The following GLYATL3 variants were observed in gnomAD, a reference collection of about 807,000 sequenced individuals.
The protein encoded by GLYATL3 is glycine-N-acyltransferase like 3.
GLYATL3 carries 31 observed loss-of-function variants against 28.5 expected under a neutral mutation model. The ratio of observed to expected loss-of-function variants is 1.09; its 90% CI spans 0.82 to 1.47. GLYATL3 has a LOEUF of 1.47. Ranked by LOEUF, GLYATL3 falls within the 40% of genes most tolerant of loss-of-function variation. The pLI, the probability that GLYATL3 is intolerant of heterozygous loss-of-function variation, is 0.00. For missense variants in GLYATL3, 369 were observed against 351.5 expected (o/e 1.05, Z -0.40); for synonymous variants, 141 against 140.2 (o/e 1.01, Z -0.04).
chr6:49,505,047 T>C (rs1018073620), intron 1 of GLYATL3, among the ~76,000 whole-genome samples: 1 of 152,164 alleles, frequency 6.6e-6, no homozygotes, highest in Non-Finnish European at 1.5e-5. Flanking sequence ...GTACAATTTG[T>C]TTAGCTTTTT....
At chr6:49,513,671 G>A (rs1384058720) in intron 2 of GLYATL3, among the ~76,000 whole-genome samples, 13 of 152,108 alleles carry the variant, frequency 8.5e-5, no homozygotes, top group Admixed American at 8.5e-4. Flanking sequence ...CACTAAGGGT[G>A]ATCCATGTTA....
chr6:49,507,545 C>T (rs992034772), intron 1 of GLYATL3, among the ~76,000 whole-genome samples: 6 of 152,114 alleles, frequency 3.9e-5, no homozygotes, highest in African/African-American at 9.7e-5. Flanking sequence ...TAATACTCAT[C>T]GACAAACCTG....
At chr6:49,511,247 A>C (rs909775361) in intron 1 of GLYATL3, among the ~76,000 whole-genome samples, 1 of 152,188 alleles carries the variant, frequency 6.6e-6, no homozygotes, top group Non-Finnish European at 1.5e-5. Context: ...GAAGCCCCCA[A>C]ATCTAAAAAA....
At chr6:49,507,682 T>C (rs977767574) in intron 1 of GLYATL3, among the ~76,000 whole-genome samples, 3 of 152,048 alleles carry the variant, frequency 2.0e-5, no homozygotes, top group African/African-American at 7.3e-5. Flanking sequence ...GGGCGCCAGA[T>C]ATTGAGGGAT....
intron 1 of GLYATL3, among the ~76,000 whole-genome samples, chr6:49,507,787 A>T (rs1463761905): frequency 6.6e-6 from 1 of 152,110 alleles, no homozygotes; most frequent in Non-Finnish European, 1.5e-5. Context: ...AGATAGTGAA[A>T]GCTGAGTCCA....
intron 4 of GLYATL3, among the ~76,000 whole-genome samples, chr6:49,518,950 A>G (rs1769266872): frequency 6.6e-6 from 1 of 152,022 alleles, no homozygotes; most frequent in Admixed American, 6.6e-5. Flanking sequence ...CAAAAAAAAA[A>G]GAAAAAAATT....
At chr6:49,506,074 T>C (rs961843712) in intron 1 of GLYATL3, among the ~76,000 whole-genome samples, 14 of 152,170 alleles carry the variant, frequency 9.2e-5, no homozygotes, top group South Asian at 2.1e-4. Flanking sequence ...TCTGAGATAA[T>C]TGATGTCACC....
chr6:49,525,067 T>G (rs1467620096), intron 5 of GLYATL3, among the ~76,000 whole-genome samples: 2 of 147,588 alleles, frequency 1.4e-5, no homozygotes, highest in Non-Finnish European at 3.0e-5. Context: ...CATGGATGCA[T>G]AACCACAGAA....
chr6:49,516,526 T>C (rs2127236707), intron 3 of GLYATL3, among the ~76,000 whole-genome samples: 1 of 152,228 alleles, frequency 6.6e-6, no homozygotes, highest in South Asian at 2.1e-4. Context: ...CCTGACCACA[T>C]TAGGAAGATT....
At chr6:49,513,361 TAA>T (rs1247581153) in intron 2 of GLYATL3, among the ~76,000 whole-genome samples, 1 of 152,174 alleles carries the variant, frequency 6.6e-6, no homozygotes, top group East Asian at 1.9e-4. Context: ...ACCCTTTGAA[TAA>T]ATAGCTATTG....
intron 5 of GLYATL3, among the ~76,000 whole-genome samples, chr6:49,526,240 C>T (rs1455141367): frequency 2.0e-5 from 3 of 152,030 alleles, no homozygotes; most frequent in Non-Finnish European, 4.4e-5. Context: ...ATCGTGAAAT[C>T]CCGTCTCTAC....
Position 49,501,298 on chromosome 6 carries a change from A to G in GLYATL3, c.-29+1256A>G, listed in dbSNP as rs180903095. Among the ~76,000 whole-genome samples, 10 of 152,270 alleles carry G rather than the reference A, an allele frequency of 6.6e-5. No individual in the cohort carries two copies. In the East Asian group the frequency reaches 1.9e-3, roughly 30 times the overall value. ...GTGTGTATCGCGGGAGCTGGCCAGC[A>G]GCCCGCAATGCAACGGGGCTCTCTC... On this transcript the variant is annotated intron_variant, in intron 1 of 5. Transcript: ENST00000371197.
intron 5 of GLYATL3, among the ~76,000 whole-genome samples, 164 bp from the exon 6 acceptor site, chr6:49,526,323 GA>G (rs1769411180): frequency 6.6e-6 from 1 of 152,046 alleles, no homozygotes; most frequent in African/African-American, 2.4e-5. Flanking sequence ...TGAGGCAGGA[GA>G]ATTGCTTGAA....
chr6:49,512,172 C>T (rs1368269426), intron 2 of GLYATL3, 104 bp downstream of exon 2: 2 of 533,428 alleles, frequency 3.7e-6, no homozygotes, highest in Non-Finnish European at 6.5e-6. Flanking sequence ...ATAAGACTCT[C>T]TAGGAGCACT....
intron 5 of GLYATL3, among the ~76,000 whole-genome samples, chr6:49,523,666 G>T (rs1262792672): frequency 6.6e-6 from 1 of 152,140 alleles, no homozygotes; most frequent in Non-Finnish European, 1.5e-5. Context: ...TTAAAATACT[G>T]TTAACATATT....
chr6:49,510,929 G>A lies in GLYATL3; in HGVS notation c.-28-1034G>A, dbSNP rs183894411. On this transcript the variant is annotated intron_variant, in intron 1 of 5. Coordinates refer to ENST00000371197, the MANE Select transcript of GLYATL3 (RefSeq NM_001010904.2). ...GATAGAATTTTACAGGAGATTTTAG[G>A]TAGATTACAATTGAATATTCAGGGT... is the stretch of plus-strand genomic sequence containing the variant. 1.6e-3 allele frequency among the ~76,000 whole-genome samples: 250 copies of A among 152,254 alleles called. 3 individuals carry two copies. Among genetic ancestry groups the A allele is most frequent in the Non-Finnish European group, 6.6e-4 (45 of 68,024 alleles).
At chr6:49,518,527 A>AT (rs1283601974) in intron 4 of GLYATL3, among the ~76,000 whole-genome samples, 4 of 152,058 alleles carry the variant, frequency 2.6e-5, no homozygotes, top group South Asian at 4.2e-4. Flanking sequence ...AAAGTCTAGT[A>AT]TTTTTTTTCA....
At chr6:49,501,718 G>T (rs540491365) in intron 1 of GLYATL3, among the ~76,000 whole-genome samples, 1 of 152,316 alleles carries the variant, frequency 6.6e-6, no homozygotes, top group Non-Finnish European at 1.5e-5. Context: ...AGGATGTGAA[G>T]CTAGACAACT....
At chr6:49,514,817 A>T (rs2127432641) in intron 2 of GLYATL3, among the ~76,000 whole-genome samples, 1 of 152,258 alleles carries the variant, frequency 6.6e-6, no homozygotes, top group South Asian at 2.1e-4. Context: ...TGGGTGACAG[A>T]GCGAGACTGA....
Sources: allele counts gnomAD v4.1 joint callset (sites outside exome capture counted in the v4.1 genomes callset), GRCh38; gene constraint gnomAD v4.1.1; transcripts MANE v1.5; gene names NCBI Gene and HGNC (gene_info 2026-07-23, HGNC 2026-07-21).